The following SLC9B2 variants were observed in gnomAD, a reference collection of about 807,000 sequenced individuals.
SLC9B2 encodes the protein solute carrier family 9 member B2, also known as sodium/hydrogen exchanger 9B2.
A neutral mutation model predicts 52.2 loss-of-function variants in SLC9B2; 39 were observed. The ratio of observed to expected loss-of-function variants is 0.75; its 90% CI spans 0.58 to 0.98. The LOEUF is 0.98. Among genes scored for constraint, SLC9B2 ranks in the 50% least tolerant of loss-of-function variants. The pLI is 0.00. For synonymous variants in SLC9B2, 214 were observed against 227.0 expected, an observed-to-expected ratio of 0.94 and a Z score of 0.51; for missense variants, 626 against 637.5, an observed-to-expected ratio of 0.98 and a Z score of 0.19.
At chr4:103,042,208 A>G (rs1461739659) in intron 9 of SLC9B2, 1 of 152,120 alleles carries the variant, frequency 6.6e-6, no homozygotes, top group Non-Finnish European at 1.5e-5. Flanking sequence ...CAAAATTTGT[A>G]ACGTTTCCAT....
rs930152080 is a variant in SLC9B2, at chr4:103,049,132, T to C, written c.586-112A>G. 9 of 1,264,536 alleles carry C rather than the reference T, an allele frequency of 7.1e-6. No individual in the cohort carries two copies. In the African/African-American group the frequency reaches 1.4e-4, roughly 19 times the overall value. The allele number at this position is 1,264,536 out of a possible 1,614,324, so 78.3% of individuals were successfully genotyped here. ...ACCACGTCTGGGTCATCATGAGTTTTCAAGGTAATGAGTTGTATTTAACAA... is the reference window on the plus strand; with the variant it reads ...ACCACGTCTGGGTCATCATGAGTTTCCAAGGTAATGAGTTGTATTTAACAA... On this transcript the variant is annotated intron_variant, in intron 5 of 11. Transcript: ENST00000394785.
intron 9 of SLC9B2, among the ~76,000 whole-genome samples, chr4:103,034,392 G>A (rs1190715240): frequency 6.6e-6 from 1 of 152,106 alleles, no homozygotes; most frequent in African/African-American, 2.4e-5. Context: ...CATTGGCCCA[G>A]GCAAAGACTT....
chr4:103,037,554 AAG>A, intron 9 of SLC9B2, among the ~76,000 whole-genome samples: 1 of 152,348 alleles, frequency 6.6e-6, no homozygotes, highest in African/African-American at 2.4e-5. Context: ...CAAGTGTTGA[AAG>A]AGAGCATATG....
intron 9 of SLC9B2, 144 bp from the exon 10 acceptor site, chr4:103,031,952 G>C: frequency 1.4e-6 from 1 of 706,266 alleles, no homozygotes; most frequent in Non-Finnish European, 2.3e-6. Context: ...AGCTAGAACA[G>C]AGCAAAAAAA....
chr4:103,040,770 T>TA (rs1743564592), intron 9 of SLC9B2, among the ~76,000 whole-genome samples: 1 of 152,252 alleles, frequency 6.6e-6, no homozygotes, highest in Non-Finnish European at 1.5e-5. Context: ...TGCAACTTTT[T>TA]ACCTATCAGT....
downstream of SLC9B2, among the ~76,000 whole-genome samples, chr4:103,018,583 G>A (rs1009933448): frequency 7.2e-5 from 11 of 152,080 alleles, no homozygotes; most frequent in Non-Finnish European, 1.3e-4. Context: ...AGTGGGGTGT[G>A]GCCTCCCTCA....
intron 9 of SLC9B2, among the ~76,000 whole-genome samples, chr4:103,036,867 T>A (rs1239191107): frequency 6.6e-6 from 1 of 152,184 alleles, no homozygotes; most frequent in Non-Finnish European, 1.5e-5. Context: ...TATTTTTGGA[T>A]GACATTTCAA....
intron 7 of SLC9B2, among the ~76,000 whole-genome samples, chr4:103,045,645 C>T (rs66819851): frequency 0.056 from 8,543 of 152,098 alleles, 341 homozygotes; most frequent in Middle Eastern, 0.1. Flanking sequence ...AGAGGAAACA[C>T]AGCAGAGTCA....
intron 4 of SLC9B2, among the ~76,000 whole-genome samples, chr4:103,052,060 T>C (rs1001870468): frequency 1.3e-5 from 2 of 152,200 alleles, no homozygotes; most frequent in Admixed American, 6.5e-5. Flanking sequence ...TAGCCCTGTA[T>C]GAGATCCTAG....
chr4:103,057,280 A>ATGTATGTGTGTATATATATATATGTGTG (rs1323560185), intron 4 of SLC9B2, among the ~76,000 whole-genome samples: 1 of 148,026 alleles, frequency 6.8e-6, no homozygotes, highest in African/African-American at 2.6e-5. Context: ...ATATACACAC[A>ATGTATGTGTGTATATATATATATGTGTG]CACACACACA....
chr4:103,067,420 G>T, intron 2 of SLC9B2, 41 bp downstream of exon 2: 1 of 1,548,302 alleles, frequency 6.5e-7, no homozygotes, highest in Non-Finnish European at 8.9e-7. Flanking sequence ...ATGAGTGGTA[G>T]AATATGAAGA....
At chr4:103,072,515 T>C (rs975843301) in intron 1 of SLC9B2, among the ~76,000 whole-genome samples, 4 of 152,242 alleles carry the variant, frequency 2.6e-5, no homozygotes, top group Non-Finnish European at 5.9e-5. Flanking sequence ...TTTCTGTAAA[T>C]ATGTTTTCAC....
intron 10 of SLC9B2, among the ~76,000 whole-genome samples, chr4:103,030,643 G>T (rs72943524): frequency 6.6e-6 from 1 of 151,366 alleles, no homozygotes; most frequent in African/African-American, 2.4e-5. Flanking sequence ...TGAAATAGAG[G>T]AATTTTATAT....
At chr4:103,074,350 C>G (rs1385168301) in intron 1 of SLC9B2, among the ~76,000 whole-genome samples, 1 of 152,182 alleles carries the variant, frequency 6.6e-6, no homozygotes, top group African/African-American at 2.4e-5. Flanking sequence ...GGCTGAATAT[C>G]CTGTTACTTG....
At chr4:103,019,463 G>T, downstream of SLC9B2, 1 of 472,214 alleles carries the variant, frequency 2.1e-6, no homozygotes, top group Non-Finnish European at 2.8e-6. Flanking sequence ...GCGTCTGGGA[G>T]AAGAGCCCAA....
chr4:103,073,468 T>TTCAGA (rs2110676891), intron 1 of SLC9B2, among the ~76,000 whole-genome samples: 1 of 152,320 alleles, frequency 6.6e-6, no homozygotes, highest in East Asian at 1.9e-4. Flanking sequence ...CAATGAGGAA[T>TTCAGA]TCAGATCAGG....
chr4:103,050,819 G>T (rs1744611338), intron 4 of SLC9B2, among the ~76,000 whole-genome samples: 1 of 152,154 alleles, frequency 6.6e-6, no homozygotes, highest in African/African-American at 2.4e-5. Flanking sequence ...TTTCATAAGA[G>T]ACAGATAATC....
Position 103,052,439 on chromosome 4 carries a change from T to C in SLC9B2, c.443-2057A>G, listed in dbSNP as rs147944772. Among the ~76,000 whole-genome samples, 705 of 152,340 alleles carry C rather than the reference T, an allele frequency of 4.6e-3. 3 individuals are homozygous for C. The highest frequency in any genetic ancestry group is 0.031 in the Middle Eastern group (9 of 294). On this transcript the variant is annotated intron_variant, in intron 4 of 11. Coordinates refer to ENST00000394785, the MANE Select transcript of SLC9B2 (RefSeq NM_178833.7). ...TATATTTGTAGGTTTACATTAACTATATTCATATTATAATTTCAAGCAGTG... is the reference window on the plus strand; with the variant it reads ...TATATTTGTAGGTTTACATTAACTACATTCATATTATAATTTCAAGCAGTG...
chr4:103,027,680 A>C (rs541912986), intron 11 of SLC9B2, among the ~76,000 whole-genome samples: 32 of 152,284 alleles, frequency 2.1e-4, no homozygotes, highest in African/African-American at 6.3e-4. Context: ...TGCTCACAAA[A>C]ACATGAATGA....
Sources: allele counts gnomAD v4.1 joint callset (sites outside exome capture counted in the v4.1 genomes callset), GRCh38; gene constraint gnomAD v4.1.1; transcripts MANE v1.5; gene names NCBI Gene and HGNC (gene_info 2026-07-23, HGNC 2026-07-21).